AKAP6: variants seen among roughly 807,000 people sequenced by gnomAD.
The protein encoded by AKAP6 is A-kinase anchoring protein 6, also known as A-kinase anchor protein 6.
Under a neutral mutation model 188.5 loss-of-function variants are expected in AKAP6, and 58 were observed. The ratio of observed to expected loss-of-function variants is 0.31; its 90% CI spans 0.25 to 0.38. The LOEUF is 0.38. Ranked by LOEUF, AKAP6 falls within the 10% of genes least tolerant of loss-of-function variation. The pLI, the probability that AKAP6 is intolerant of heterozygous loss-of-function variation, is 1.00. For missense variants in AKAP6, 2,710 were observed against 2,740.0 expected (o/e 0.99, Z 0.24); for synonymous variants, 989 against 998.6 (o/e 0.99, Z 0.18).
At chr14:32,749,149 C>T (rs1435826939) in intron 11 of AKAP6, among the ~76,000 whole-genome samples, 1 of 152,158 alleles carries the variant, frequency 6.6e-6, no homozygotes, top group South Asian at 2.1e-4. Context: ...TGACCTAGGA[C>T]TTTCAGCTGT....
At chr14:32,556,517 A>T (rs1883695231) in intron 4 of AKAP6, among the ~76,000 whole-genome samples, 2 of 151,676 alleles carry the variant, frequency 1.3e-5, no homozygotes, top group African/African-American at 4.9e-5. Flanking sequence ...TAATTTTTGC[A>T]TTTTTTGTAG....
chr14:32,399,177 C>G (rs1888998636), intron 1 of AKAP6, among the ~76,000 whole-genome samples: 1 of 152,076 alleles, frequency 6.6e-6, no homozygotes, highest in African/African-American at 2.4e-5. Flanking sequence ...CTACAAGTTA[C>G]TAGAAATAAA....
At chr14:32,388,959 C>T (rs1050728303) in intron 1 of AKAP6, among the ~76,000 whole-genome samples, 1 of 152,002 alleles carries the variant, frequency 6.6e-6, no homozygotes, top group Non-Finnish European at 1.5e-5. Context: ...GTACTGAGGT[C>T]CCCCACTATT....
chr14:32,570,080 C>T (rs893558192), intron 4 of AKAP6, among the ~76,000 whole-genome samples: 1 of 151,416 alleles, frequency 6.6e-6, no homozygotes, highest in African/African-American at 2.4e-5. Context: ...TTCTAAATGC[C>T]CAGAGCATTT....
At position 32,821,669 on chromosome 14, in the gene AKAP6, T is replaced by C. The variant is rs559499379; in HGVS notation, c.3856T>C (p.Tyr1286His). The change falls in exon 13 of 14, where the codon TAC becomes CAC. Residue 1286 changes from tyrosine (Y) to histidine (H), a missense_variant. By Grantham distance (83) the Tyr-to-His change is moderately conservative. Around this residue, in one of 2 missense-constraint regions of AKAP6, gnomAD observed 2,473 missense variants for 2,426.1 expected, o/e 1.02. Coordinates refer to ENST00000280979, the MANE Select transcript of AKAP6 (RefSeq NM_004274.5). The part of the protein sequence containing the change: ...NITAPSSPHI[Y>H]QVYSLHNVEL... ...TACTGCCCCCTCTAGTCCACACATTTACCAGGTGTACAGCCTCCACAATGT... is the reference window on the plus strand; with the variant it reads ...TACTGCCCCCTCTAGTCCACACATTCACCAGGTGTACAGCCTCCACAATGT... The C allele has an allele frequency of 1.4e-5, 22 of 1,613,716 alleles. No individual in the cohort carries two copies. The African/African-American group carries it at 2.9e-4, about 22-fold the overall frequency.
At chr14:32,587,586 G>C (rs917508736) in intron 5 of AKAP6, among the ~76,000 whole-genome samples, 1 of 152,198 alleles carries the variant, frequency 6.6e-6, no homozygotes, top group Non-Finnish European at 1.5e-5. Flanking sequence ...AGGGCTAGGT[G>C]GGGGTAGTTA....
chr14:32,574,099 G>C (rs978408109), intron 4 of AKAP6, among the ~76,000 whole-genome samples: 1 of 152,206 alleles, frequency 6.6e-6, no homozygotes, highest in African/African-American at 2.4e-5. Context: ...ATAGAAGCAG[G>C]AAGGGAGGTC....
intron 2 of AKAP6, among the ~76,000 whole-genome samples, chr14:32,471,193 C>T (rs1297063290): frequency 6.6e-6 from 1 of 152,166 alleles, no homozygotes; most frequent in Non-Finnish European, 1.5e-5. Flanking sequence ...ATTTTGGATT[C>T]TTTAAAAACG....
chr14:32,413,915 G>C (rs1889572186), intron 1 of AKAP6, among the ~76,000 whole-genome samples: 1 of 150,994 alleles, frequency 6.6e-6, no homozygotes. Flanking sequence ...AGTGTCAGAA[G>C]GTAGTCAGGA....
At chr14:32,553,037 T>C (rs1169571918) in intron 4 of AKAP6, among the ~76,000 whole-genome samples, 3 of 152,080 alleles carry the variant, frequency 2.0e-5, no homozygotes, top group Non-Finnish European at 4.4e-5. Context: ...TGCAAGAGAG[T>C]GTGGGGCTGT....
chr14:32,599,566 C>A, intron 6 of AKAP6, 60 bp downstream of exon 6: 2 of 1,359,092 alleles, frequency 1.5e-6, no homozygotes, highest in East Asian at 2.3e-5. Context: ...AATGAAGAAG[C>A]ATTGCTGTAA....
chr14:32,829,761 C>A (rs1442080544), intron 13 of AKAP6, 87 bp from the exon 14 acceptor site: 3 of 590,292 alleles, frequency 5.1e-6, no homozygotes, highest in Admixed American at 3.0e-5. Flanking sequence ...ACAATTGCAG[C>A]CTTCAATGGT....
chr14:32,548,676 C>A (rs1057209262), intron 4 of AKAP6, among the ~76,000 whole-genome samples: 5 of 152,252 alleles, frequency 3.3e-5, no homozygotes, highest in African/African-American at 1.2e-4. Context: ...CAGAGACAGA[C>A]AAACCAGACA....
chr14:32,356,213 A>C (rs1463792425), intron 1 of AKAP6, among the ~76,000 whole-genome samples: 3 of 152,172 alleles, frequency 2.0e-5, no homozygotes, highest in African/African-American at 7.2e-5. Context: ...CCTGAATTCT[A>C]TCCATAGAAT....
intron 1 of AKAP6, among the ~76,000 whole-genome samples, chr14:32,391,562 G>A (rs1951184): frequency 0.79 from 119,974 of 152,164 alleles, 48,959 homozygotes; most frequent in Admixed American, 0.9. Flanking sequence ...GAGCAGCTCT[G>A]TGGTCCACCT....
rs1566546473 is a variant in AKAP6, at chr14:32,510,404, G to GTATATATACA, written c.325-25142_325-25141insCATATATATA. On this transcript the variant is annotated intron_variant, in intron 2 of 13. Coordinates refer to ENST00000280979, the MANE Select transcript of AKAP6 (RefSeq NM_004274.5). ...TGTATATATATATGTGTATATATAT[G>GTATATATACA]TATATATATGTATATATATACATAT... Among the ~76,000 whole-genome samples, 50 of 74,732 alleles carry GTATATATACA rather than the reference G, an allele frequency of 6.7e-4. 2 individuals are homozygous for GTATATATACA. Among genetic ancestry groups the GTATATATACA allele is most frequent in the East Asian group, 1.6e-3 (5 of 3,094 alleles). The allele number at this position is 74,732 out of a possible 152,430, so 49.0% of individuals were successfully genotyped here.
At chr14:32,566,546 G>T (rs1038852452) in intron 4 of AKAP6, among the ~76,000 whole-genome samples, 2 of 152,038 alleles carry the variant, frequency 1.3e-5, no homozygotes, top group Non-Finnish European at 2.9e-5. Flanking sequence ...GTGTATGTGA[G>T]TCCCAAGGGC....
intron 1 of AKAP6, among the ~76,000 whole-genome samples, chr14:32,335,435 C>A (rs898964247): frequency 6.6e-6 from 1 of 152,148 alleles, no homozygotes; most frequent in South Asian, 2.1e-4. Context: ...CTCCCCACTT[C>A]CTCCTACTCT....
intron 2 of AKAP6, among the ~76,000 whole-genome samples, chr14:32,454,695 C>G (rs142925730): frequency 0.044 from 2,785 of 62,858 alleles, 185 homozygotes; most frequent in Non-Finnish European, 0.071. Context: ...TTCCCTCCCT[C>G]CCTCCCTCCC....
Sources: allele counts gnomAD v4.1 joint callset (sites outside exome capture counted in the v4.1 genomes callset), GRCh38; gene constraint gnomAD v4.1.1; regional missense constraint gnomAD v4.1.1; transcripts MANE v1.5; gene names NCBI Gene and HGNC (gene_info 2026-07-23, HGNC 2026-07-21).